LRMDA: variants seen among roughly 807,000 people sequenced by gnomAD.
LRMDA encodes the protein leucine rich melanocyte differentiation associated.
In LRMDA, 18 loss-of-function variants were observed where a neutral mutation model predicts 29.8. The observed-to-expected ratio is 0.60, with a 90% CI of 0.42 to 0.90. The LOEUF is 0.90. Among genes scored for constraint, LRMDA ranks in the 40% least tolerant of loss-of-function variants. The pLI, the probability that LRMDA is intolerant of heterozygous loss-of-function variation, is 0.00. For missense variants in LRMDA, 273 were observed against 273.9 expected, an observed-to-expected ratio of 1.00 and a Z score of 0.02; for synonymous variants, 125 against 109.4, an observed-to-expected ratio of 1.14 and a Z score of -0.89.
intron 2 of LRMDA, among the ~76,000 whole-genome samples, chr10:75,560,465 C>G (rs1233666077): frequency 4.6e-5 from 7 of 151,050 alleles, no homozygotes; most frequent in Admixed American, 2.0e-4. Context: ...GATATACAAT[C>G]ATGTCATCTG....
intron 2 of LRMDA, among the ~76,000 whole-genome samples, chr10:75,484,095 A>G (rs1217597583): frequency 6.6e-6 from 1 of 152,040 alleles, no homozygotes; most frequent in Admixed American, 6.6e-5. Flanking sequence ...AGCTGGGACT[A>G]CAGGCATGGG....
At chr10:75,722,336 G>A (rs537388596) in intron 2 of LRMDA, among the ~76,000 whole-genome samples, 7 of 152,252 alleles carry the variant, frequency 4.6e-5, no homozygotes, top group East Asian at 1.9e-4. Flanking sequence ...ACATTTTGCA[G>A]CTTTGTACCT....
At chr10:75,844,304 A>G (rs528463189) in intron 2 of LRMDA, among the ~76,000 whole-genome samples, 1 of 152,268 alleles carries the variant, frequency 6.6e-6, no homozygotes, top group Admixed American at 6.5e-5. Flanking sequence ...CAAAATCAGC[A>G]TTAGGCTATT....
chr10:75,652,464 A>G (rs954629055), intron 2 of LRMDA, among the ~76,000 whole-genome samples: 1 of 152,270 alleles, frequency 6.6e-6, no homozygotes, highest in Non-Finnish European at 1.5e-5. Context: ...TTTTCTGACT[A>G]TATCACAGTG....
intron 6 of LRMDA, among the ~76,000 whole-genome samples, chr10:76,555,011 C>T (rs1052519214): frequency 5.3e-5 from 8 of 152,048 alleles, no homozygotes; most frequent in African/African-American, 1.9e-4. Context: ...ATCCTAGTGC[C>T]ATAGAAATAA....
intron 6 of LRMDA, among the ~76,000 whole-genome samples, chr10:76,530,595 G>A (rs910064145): frequency 1.3e-5 from 2 of 152,134 alleles, no homozygotes; most frequent in African/African-American, 4.8e-5. Flanking sequence ...CTGTAATGAC[G>A]AGGAGGAGCA....
intron 2 of LRMDA, among the ~76,000 whole-genome samples, chr10:75,899,113 G>A (rs533744120): frequency 5.3e-5 from 8 of 152,214 alleles, no homozygotes; most frequent in Admixed American, 2.0e-4. Flanking sequence ...TTGACTTCTC[G>A]CTTATAGTAA....
At chr10:76,394,821 C>T (rs913302974) in intron 6 of LRMDA, among the ~76,000 whole-genome samples, 1 of 152,206 alleles carries the variant, frequency 6.6e-6, no homozygotes, top group African/African-American at 2.4e-5. Flanking sequence ...TGTGCCCAGG[C>T]ATGCTTTAAT....
chr10:76,093,108 G>T (rs1849256891), intron 5 of LRMDA, among the ~76,000 whole-genome samples: 1 of 152,048 alleles, frequency 6.6e-6, no homozygotes, highest in South Asian at 2.1e-4. Context: ...CATGATCTCG[G>T]TTCACTGCAA....
intron 2 of LRMDA, among the ~76,000 whole-genome samples, chr10:75,952,546 G>T (rs1433316555): frequency 6.6e-6 from 1 of 152,058 alleles, no homozygotes; most frequent in Non-Finnish European, 1.5e-5. Context: ...AACGATTTTG[G>T]CAAGGCAAGG....
intron 2 of LRMDA, among the ~76,000 whole-genome samples, chr10:75,654,229 T>C (rs1841638591): frequency 6.6e-6 from 1 of 152,344 alleles, no homozygotes; most frequent in Non-Finnish European, 1.5e-5. Flanking sequence ...GCTCTATCAC[T>C]TACTGGCTGT....
chr10:76,369,525 T>C lies in LRMDA; in HGVS notation c.601+45040T>C, dbSNP rs190931788. Among the ~76,000 whole-genome samples, 5 of 152,326 alleles carry C rather than the reference T, an allele frequency of 3.3e-5. No homozygotes were observed. The East Asian group carries it at 9.6e-4, about 29-fold the overall frequency. On this transcript the variant is annotated intron_variant, in intron 6 of 6. Transcript: ENST00000611255. ...TCCTTTATAGGTTACCTGGTGCTTC[T>C]GTCTCATAGCTCTTAAGATTCTTTC...
chr10:76,483,909 A>G (rs1842756731), intron 6 of LRMDA, among the ~76,000 whole-genome samples: 1 of 151,908 alleles, frequency 6.6e-6, no homozygotes, highest in South Asian at 2.1e-4. Context: ...ATTTGCAACC[A>G]TGATGCAGCT....
intron 2 of LRMDA, among the ~76,000 whole-genome samples, chr10:76,020,927 T>G (rs1432972918): frequency 6.6e-6 from 1 of 152,218 alleles, no homozygotes; most frequent in Non-Finnish European, 1.5e-5. Context: ...CCTCAGTTAG[T>G]GTTCTCTTTA....
At chr10:76,503,854 T>C (rs1399706072) in intron 6 of LRMDA, among the ~76,000 whole-genome samples, 2 of 151,500 alleles carry the variant, frequency 1.3e-5, no homozygotes, top group Admixed American at 1.3e-4. Flanking sequence ...TTTAATTATT[T>C]ATTTCTCTGT....
intron 2 of LRMDA, among the ~76,000 whole-genome samples, chr10:76,023,821 T>C (rs1039699225): frequency 6.6e-6 from 1 of 152,254 alleles, no homozygotes; most frequent in Non-Finnish European, 1.5e-5. Context: ...ACCTGCTTCA[T>C]TTTCTGAGGC....
At chr10:75,886,465 C>G (rs1356154388) in intron 2 of LRMDA, among the ~76,000 whole-genome samples, 1 of 152,088 alleles carries the variant, frequency 6.6e-6, no homozygotes, top group Non-Finnish European at 1.5e-5. Flanking sequence ...GGTTTTGTAG[C>G]CTAGCAGTCA....
At chr10:75,590,508 CAGAT>C (rs1191415726) in intron 2 of LRMDA, among the ~76,000 whole-genome samples, 2 of 151,844 alleles carry the variant, frequency 1.3e-5, no homozygotes, top group African/African-American at 4.8e-5. Context: ...GTTGGGGAGT[CAGAT>C]AGGAGATGAG....
chr10:75,980,933 A>G (rs1847157927), intron 2 of LRMDA, among the ~76,000 whole-genome samples: 1 of 152,176 alleles, frequency 6.6e-6, no homozygotes, highest in African/African-American at 2.4e-5. Flanking sequence ...GTGCGTCCCA[A>G]TCCATGTGTT....
Sources: allele counts gnomAD v4.1 joint callset (sites outside exome capture counted in the v4.1 genomes callset), GRCh38; gene constraint gnomAD v4.1.1; transcripts MANE v1.5; gene names NCBI Gene and HGNC (gene_info 2026-07-23, HGNC 2026-07-21).